The following KCNH7 variants were observed in gnomAD, a reference collection of about 807,000 sequenced individuals.
KCNH7 encodes voltage-gated inwardly rectifying potassium channel KCNH7.
In KCNH7, 49 loss-of-function variants were observed where a neutral mutation model predicts 120.8. The observed-to-expected ratio is 0.41, with a 90% CI of 0.32 to 0.51. The LOEUF (loss-of-function observed/expected upper bound fraction) is 0.51. KCNH7 is among the 20% of genes least tolerant of loss of function. The pLI is 0.38. For synonymous variants in KCNH7, 547 were observed against 516.1 expected, an observed-to-expected ratio of 1.06 and a Z score of -0.81; for missense variants, 1,097 against 1,446.6, an observed-to-expected ratio of 0.76 and a Z score of 3.92.
intron 2 of KCNH7, among the ~76,000 whole-genome samples, chr2:162,722,819 T>C (rs1687372381): frequency 6.9e-6 from 1 of 145,818 alleles, no homozygotes; most frequent in Non-Finnish European, 1.5e-5. Context: ...TTTTCTTTTT[T>C]TTTTTTTTTT....
intron 13 of KCNH7, among the ~76,000 whole-genome samples, chr2:162,382,249 C>T (rs79495348): frequency 1.1e-3 from 174 of 151,996 alleles, no homozygotes; most frequent in Non-Finnish European, 1.9e-3. Flanking sequence ...CAGAAATGAA[C>T]GAAGTGTATA....
intron 3 of KCNH7, among the ~76,000 whole-genome samples, chr2:162,535,614 C>A (rs532539874): frequency 6.6e-6 from 1 of 151,764 alleles, no homozygotes; most frequent in South Asian, 2.1e-4. Context: ...CATCAATTAT[C>A]TTCAAGTTAA....
intron 2 of KCNH7, among the ~76,000 whole-genome samples, chr2:162,590,435 C>T (rs1193990094): frequency 6.6e-6 from 1 of 152,050 alleles, no homozygotes; most frequent in Non-Finnish European, 1.5e-5. Context: ...TTAGCTCTAA[C>T]AAAGGAATGA....
intron 2 of KCNH7, among the ~76,000 whole-genome samples, chr2:162,609,851 G>A (rs1682903727): frequency 6.6e-6 from 1 of 152,144 alleles, no homozygotes; most frequent in Non-Finnish European, 1.5e-5. Flanking sequence ...ATAACACTCT[G>A]GGGACGGGTC....
At chr2:162,572,615 T>C (rs556718124) in intron 2 of KCNH7, among the ~76,000 whole-genome samples, 3,592 of 112,014 alleles carry the variant, frequency 0.032, 297 homozygotes, top group African/African-American at 0.13. Flanking sequence ...TATTGCGGCA[T>C]TATTCACAAT....
At chr2:162,609,006 T>C (rs1009942259) in intron 2 of KCNH7, among the ~76,000 whole-genome samples, 7 of 152,168 alleles carry the variant, frequency 4.6e-5, no homozygotes, top group African/African-American at 1.7e-4. Flanking sequence ...TTGATTCAAT[T>C]TGATAATGGC....
At chr2:162,798,072 T>A (rs1232824234) in intron 2 of KCNH7, 1 of 152,084 alleles carries the variant, frequency 6.6e-6, no homozygotes, top group East Asian at 1.9e-4. Context: ...TAAGTAAATA[T>A]ACATTTATCT....
chr2:162,450,111 C>T (rs1026127555), intron 6 of KCNH7, among the ~76,000 whole-genome samples: 1 of 151,970 alleles, frequency 6.6e-6, no homozygotes, highest in Non-Finnish European at 1.5e-5. Context: ...ATAAACTAAC[C>T]TAATTCTTAA....
At chr2:162,774,792 G>T (rs7601889) in intron 2 of KCNH7, among the ~76,000 whole-genome samples, 2 of 151,920 alleles carry the variant, frequency 1.3e-5, no homozygotes, top group Non-Finnish European at 1.5e-5. Context: ...GGTGTCTTTC[G>T]AGTCTCCTTT....
intron 2 of KCNH7, among the ~76,000 whole-genome samples, chr2:162,615,648 T>C (rs995048121): frequency 6.6e-6 from 1 of 152,202 alleles, no homozygotes; most frequent in Non-Finnish European, 1.5e-5. Context: ...TAATTACTTA[T>C]CATTTATGCA....
chr2:162,586,664 C>CTTT (rs71410017), intron 2 of KCNH7, among the ~76,000 whole-genome samples: 3 of 133,868 alleles, frequency 2.2e-5, no homozygotes, highest in Non-Finnish European at 4.9e-5. Flanking sequence ...GGTTTCTTTC[C>CTTT]TTTTTTTTTT....
intron 5 of KCNH7, among the ~76,000 whole-genome samples, chr2:162,511,213 A>C (rs1227883352): frequency 9.2e-5 from 14 of 151,780 alleles, no homozygotes; most frequent in Non-Finnish European, 2.9e-5. Flanking sequence ...GTACTTTGAC[A>C]TATATGTGAA....
At chr2:162,707,465 T>G (rs1426779620) in intron 2 of KCNH7, among the ~76,000 whole-genome samples, 1 of 152,120 alleles carries the variant, frequency 6.6e-6, no homozygotes, top group Non-Finnish European at 1.5e-5. Context: ...CTAAAATAAT[T>G]TTAAATATGC....
chr2:162,511,954 A>C (rs1408883614), intron 5 of KCNH7, among the ~76,000 whole-genome samples: 1 of 151,800 alleles, frequency 6.6e-6, no homozygotes, highest in Non-Finnish European at 1.5e-5. Context: ...TATGGTTATC[A>C]TATTTTGTGA....
intron 2 of KCNH7, among the ~76,000 whole-genome samples, chr2:162,834,117 C>T (rs531101297): frequency 6.5e-4 from 99 of 152,028 alleles, no homozygotes; most frequent in African/African-American, 2.3e-3. Flanking sequence ...TGTAGAGTAG[C>T]TGGCAGTAGT....
chr2:162,538,328 C>G (rs1329145786), intron 2 of KCNH7, among the ~76,000 whole-genome samples: 1 of 152,014 alleles, frequency 6.6e-6, no homozygotes, highest in Admixed American at 6.6e-5. Flanking sequence ...ACCAAAAGAT[C>G]GGACCCCCCT....
At chr2:162,603,534 A>G (rs1466493121) in intron 2 of KCNH7, among the ~76,000 whole-genome samples, 1 of 152,138 alleles carries the variant, frequency 6.6e-6, no homozygotes, top group East Asian at 1.9e-4. Flanking sequence ...GAAATATAAC[A>G]GAACAGTTTC....
At chr2:162,448,057 T>C (rs1301706293) in intron 6 of KCNH7, among the ~76,000 whole-genome samples, 1 of 152,106 alleles carries the variant, frequency 6.6e-6, no homozygotes, top group Non-Finnish European at 1.5e-5. Flanking sequence ...TTATGAGAAA[T>C]GATGGCAGCT....
intron 6 of KCNH7, among the ~76,000 whole-genome samples, chr2:162,495,486 C>A (rs1036832261): frequency 6.6e-6 from 1 of 152,068 alleles, no homozygotes; most frequent in Non-Finnish European, 1.5e-5. Flanking sequence ...TCTATTAAAG[C>A]CAATTTAAAA....
Sources: allele counts gnomAD v4.1 joint callset (sites outside exome capture counted in the v4.1 genomes callset), GRCh38; gene constraint gnomAD v4.1.1; transcripts MANE v1.5; gene names NCBI Gene and HGNC (gene_info 2026-07-23, HGNC 2026-07-21).